The following ADAMTSL3 variants were observed in gnomAD, a reference collection of about 807,000 sequenced individuals.
ADAMTSL3 encodes the protein ADAMTS-like protein 3.
ADAMTSL3 carries 128 observed loss-of-function variants against 201.7 expected under a neutral mutation model. The observed-to-expected ratio is 0.63, with a 90% CI of 0.55 to 0.73. The LOEUF is 0.73. Ranked by LOEUF, ADAMTSL3 falls within the 30% of genes least tolerant of loss-of-function variation. The probability of loss-of-function intolerance (pLI) is 0.00; values close to 1 mark genes in which losing one functional copy is unlikely to be tolerated. For missense variants in ADAMTSL3, 1,990 were observed against 2,119.6 expected (o/e 0.94, Z 1.20); for synonymous variants, 738 against 748.4 (o/e 0.99, Z 0.23).
At position 83,892,758 on chromosome 15, in the gene ADAMTSL3, T is replaced by A; in HGVS notation, c.1337T>A (p.Val446Glu). The A allele has an allele frequency of 1.2e-6, 2 of 1,614,104 alleles. No homozygotes were observed. Among genetic ancestry groups the A allele is most frequent in the Non-Finnish European group, 1.7e-6 (2 of 1,179,998 alleles). Reference protein sequence around the residue: ...GGIQRRSFVCVEESMHGEILQ... With the variant: ...GGIQRRSFVCEEESMHGEILQ... ...ATTCAGAGACGGAGCTTTGTGTGTG[T>A]AGAGGAATCCATGCATGGAGAGATA... Residue 446 changes from valine to glutamate, a missense_variant, in exon 13 of 30, where the codon GTA becomes GAA. Transcript: ENST00000286744.
At chr15:83,999,975 C>G (rs1038275559) in intron 23 of ADAMTSL3, among the ~76,000 whole-genome samples, 1 of 151,730 alleles carries the variant, frequency 6.6e-6, no homozygotes, top group African/African-American at 2.4e-5. Flanking sequence ...TTATTTTCCC[C>G]TATCAACTGC....
chr15:83,933,884 G>T (rs1394716413), intron 17 of ADAMTSL3, among the ~76,000 whole-genome samples: 4 of 152,222 alleles, frequency 2.6e-5, no homozygotes, highest in African/African-American at 9.6e-5. Flanking sequence ...GGGCCTGCAG[G>T]TGCACAGAAG....
chr15:83,927,682 C>G (rs76427944), intron 17 of ADAMTSL3, among the ~76,000 whole-genome samples: 2 of 152,150 alleles, frequency 1.3e-5, no homozygotes, highest in African/African-American at 4.8e-5. Context: ...GATGACTTCT[C>G]CATGAGCATA....
chr15:83,860,054 G>C (rs1415494643), intron 8 of ADAMTSL3, among the ~76,000 whole-genome samples: 1 of 152,052 alleles, frequency 6.6e-6, no homozygotes, highest in Non-Finnish European at 1.5e-5. Context: ...TGTAGTCCAA[G>C]CTACTCAAGA....
intron 2 of ADAMTSL3, among the ~76,000 whole-genome samples, chr15:83,687,651 T>G (rs1193531790): frequency 1.3e-5 from 2 of 152,140 alleles, no homozygotes; most frequent in Admixed American, 1.3e-4. Context: ...CCCGTTAACA[T>G]ACTGATAAGC....
At chr15:83,993,456 G>A (rs2067620976) in intron 23 of ADAMTSL3, among the ~76,000 whole-genome samples, 1 of 152,068 alleles carries the variant, frequency 6.6e-6, no homozygotes, top group Non-Finnish European at 1.5e-5. Flanking sequence ...TAAATCAGTG[G>A]CATATATAAT....
At chr15:83,743,535 A>AAG (rs1305407306) in intron 3 of ADAMTSL3, among the ~76,000 whole-genome samples, 1 of 151,408 alleles carries the variant, frequency 6.6e-6, no homozygotes, top group Non-Finnish European at 1.5e-5. Context: ...AAAAAAAAAA[A>AAG]AAAAAAAGTG....
intron 16 of ADAMTSL3, among the ~76,000 whole-genome samples, chr15:83,923,280 G>A (rs1017840772): frequency 2.6e-5 from 4 of 152,092 alleles, no homozygotes; most frequent in Non-Finnish European, 5.9e-5. Flanking sequence ...TAAAATGGAG[G>A]TAATAATACT....
At chr15:84,015,032 G>T (rs1039128463) in intron 24 of ADAMTSL3, among the ~76,000 whole-genome samples, 3 of 152,008 alleles carry the variant, frequency 2.0e-5, no homozygotes, top group African/African-American at 7.2e-5. Context: ...TGCAACCTCT[G>T]CCTCCTGGGT....
intron 27 of ADAMTSL3, among the ~76,000 whole-genome samples, chr15:84,025,954 T>A (rs954546308): frequency 6.6e-6 from 1 of 152,240 alleles, no homozygotes; most frequent in Non-Finnish European, 1.5e-5. Context: ...GTCGATTTCC[T>A]TAAATGAATA....
At chr15:83,741,547 A>T (rs2062455559) in intron 3 of ADAMTSL3, among the ~76,000 whole-genome samples, 1 of 152,234 alleles carries the variant, frequency 6.6e-6, no homozygotes, top group Non-Finnish European at 1.5e-5. Context: ...ATGAGGAAAG[A>T]CATGTGAAAT....
intron 17 of ADAMTSL3, among the ~76,000 whole-genome samples, chr15:83,924,672 T>C (rs2066215059): frequency 6.6e-6 from 1 of 152,212 alleles, no homozygotes; most frequent in African/African-American, 2.4e-5. Flanking sequence ...GAGAAGTAGC[T>C]TGTTCTCATG....
intron 2 of ADAMTSL3, among the ~76,000 whole-genome samples, chr15:83,702,579 A>G (rs1407821080): frequency 1.3e-5 from 2 of 150,028 alleles, no homozygotes; most frequent in South Asian, 2.1e-4. Context: ...AAAGGGGCCA[A>G]TGTAGAGCTC....
Position 84,037,848 on chromosome 15 carries a change from G to A in ADAMTSL3, c.*42G>A, listed in dbSNP as rs747389612. 3.8e-6 allele frequency: 6 copies of A among 1,572,892 alleles called. No individual in the cohort carries two copies. The highest frequency in any genetic ancestry group is 1.4e-5 in the African/African-American group (1 of 72,516). ...TGATGCTGCTGTGAAGATAAAAGTAGAATATAAAAGCTCTTTTCCCCATGT... is the reference window on the plus strand; with the variant it reads ...TGATGCTGCTGTGAAGATAAAAGTAAAATATAAAAGCTCTTTTCCCCATGT... On this transcript the variant is annotated 3_prime_UTR_variant, in exon 30 of 30. Transcript: ENST00000286744.
chr15:83,897,784 T>C (rs2065646612), intron 13 of ADAMTSL3, 74 bp from the exon 14 acceptor site: 1 of 1,481,524 alleles, frequency 6.7e-7, no homozygotes, highest in Admixed American at 2.2e-5. Context: ...ATGGCTCTCC[T>C]TTGCATTCGA....
At chr15:83,826,270 C>T (rs537097338) in intron 6 of ADAMTSL3, among the ~76,000 whole-genome samples, 1 of 151,934 alleles carries the variant, frequency 6.6e-6, no homozygotes, top group Non-Finnish European at 1.5e-5. Flanking sequence ...AATGTTCCAC[C>T]ATGCTAGGAT....
chr15:83,729,000 T>C (rs1200485081), intron 3 of ADAMTSL3, among the ~76,000 whole-genome samples: 1 of 152,118 alleles, frequency 6.6e-6, no homozygotes, highest in Non-Finnish European at 1.5e-5. Context: ...CCTTCATGTT[T>C]AAAGGGTGTT....
chr15:83,796,467 A>G (rs545377266), intron 4 of ADAMTSL3, among the ~76,000 whole-genome samples: 6 of 152,336 alleles, frequency 3.9e-5, no homozygotes, highest in South Asian at 4.1e-4. Flanking sequence ...AAAAATGTGT[A>G]AGACCTTTAT....
intron 2 of ADAMTSL3, among the ~76,000 whole-genome samples, chr15:83,656,834 C>T (rs972639698): frequency 1.3e-5 from 2 of 152,188 alleles, no homozygotes; most frequent in African/African-American, 4.8e-5. Flanking sequence ...AACATGCATC[C>T]ATGAATGAAG....
Sources: gnomAD v4.1 joint callset for allele counts (sites outside exome capture counted in the v4.1 genomes callset) on GRCh38, gnomAD v4.1.1 for gene constraint, MANE v1.5 for transcripts, NCBI Gene and HGNC (gene_info 2026-07-23, HGNC 2026-07-21) for gene names.